Variants in NR1H4 observed in about 807,000 individuals in gnomAD.
NR1H4 encodes the protein nuclear receptor subfamily 1 group H member 4.
A neutral mutation model predicts 58.5 loss-of-function variants in NR1H4; 23 were observed. The observed-to-expected ratio is 0.39, with a 90% CI of 0.28 to 0.56. The LOEUF is 0.56. Among genes scored for constraint, NR1H4 ranks in the 20% least tolerant of loss-of-function variants. The pLI is 0.58. For missense variants in NR1H4, 487 were observed against 576.9 expected, an observed-to-expected ratio of 0.84 and a Z score of 1.60; for synonymous variants, 214 against 198.0, an observed-to-expected ratio of 1.08 and a Z score of -0.68.
chr12:100,498,689 G>C (rs1953768449), intron 3 of NR1H4, among the ~76,000 whole-genome samples: 1 of 151,776 alleles, frequency 6.6e-6, no homozygotes, highest in Non-Finnish European at 1.5e-5. Context: ...TAAATTTCTG[G>C]TTACCTCACC....
chr12:100,558,681 G>A (rs1288584328), intron 9 of NR1H4, among the ~76,000 whole-genome samples: 1 of 152,220 alleles, frequency 6.6e-6, no homozygotes, highest in Non-Finnish European at 1.5e-5. Context: ...TGACAAAGAG[G>A]AGTGAGCTAG....
chr12:100,486,170 G>A (rs930967623), intron 1 of NR1H4, among the ~76,000 whole-genome samples: 2 of 152,044 alleles, frequency 1.3e-5, no homozygotes, highest in East Asian at 1.9e-4. Context: ...GTGAAGCTAC[G>A]GAATGTCAGA....
intron 4 of NR1H4, among the ~76,000 whole-genome samples, chr12:100,529,487 C>G (rs556595329): frequency 6.6e-6 from 1 of 152,264 alleles, no homozygotes; most frequent in South Asian, 2.1e-4. Context: ...AACTCCTTTG[C>G]TTGGCATTCA....
chr12:100,499,664 C>T (rs1262248421), intron 3 of NR1H4, among the ~76,000 whole-genome samples: 1 of 152,130 alleles, frequency 6.6e-6, no homozygotes, highest in Non-Finnish European at 1.5e-5. Flanking sequence ...TAGCTCTCAA[C>T]CCTGCAGGCT....
chr12:100,503,491 C>T (rs370621536), intron 3 of NR1H4: 29 of 1,593,820 alleles, frequency 1.8e-5, no homozygotes, highest in African/African-American at 1.7e-4. Context: ...ATGAAGCCCG[C>T]GAAAGGTAGG....
chr12:100,539,439 C>G (rs1566467017), intron 8 of NR1H4, among the ~76,000 whole-genome samples: 1 of 152,026 alleles, frequency 6.6e-6, no homozygotes, highest in Non-Finnish European at 1.5e-5. Flanking sequence ...AAGACAGGGC[C>G]CCTTTCCTCA....
At chr12:100,478,460 A>C (rs1953314794) in intron 1 of NR1H4, among the ~76,000 whole-genome samples, 1 of 152,206 alleles carries the variant, frequency 6.6e-6, no homozygotes, top group African/African-American at 2.4e-5. Context: ...AAAGTTGAGG[A>C]CAGGAAATGA....
intron 1 of NR1H4, among the ~76,000 whole-genome samples, chr12:100,484,334 A>G (rs1282645875): frequency 6.6e-6 from 1 of 152,156 alleles, no homozygotes; most frequent in Non-Finnish European, 1.5e-5. Flanking sequence ...GGTTTATACT[A>G]AGTCAGAGGA....
intron 3 of NR1H4, among the ~76,000 whole-genome samples, chr12:100,507,271 C>T (rs1187584685): frequency 6.6e-6 from 1 of 152,056 alleles, no homozygotes; most frequent in Non-Finnish European, 1.5e-5. Flanking sequence ...ATTCCATTCA[C>T]TCCAGAAATT....
chr12:100,508,789 T>A (rs1159419410), intron 3 of NR1H4, among the ~76,000 whole-genome samples: 1 of 152,202 alleles, frequency 6.6e-6, no homozygotes, highest in Non-Finnish European at 1.5e-5. Flanking sequence ...CATTGCCAAT[T>A]TGAAATCCCC....
At chr12:100,515,074 C>A (rs1954226810) in intron 4 of NR1H4, among the ~76,000 whole-genome samples, 1 of 151,776 alleles carries the variant, frequency 6.6e-6, no homozygotes, top group Non-Finnish European at 1.5e-5. Context: ...TTGATTCAAC[C>A]AAACCTTTGT....
In NR1H4 at chr12:100,549,196, G is replaced by GTT. The variant is rs1565780067; in HGVS notation, c.1078+8378_1078+8379insTT. 7.2e-5 allele frequency among the ~76,000 whole-genome samples: 11 copies of GTT among 152,202 alleles called. No homozygotes were observed. In the East Asian group the frequency reaches 9.7e-4, roughly 13 times the overall value. The stretch of plus-strand genomic sequence containing the variant: ...TACTAAAAATACAAAAAATTAGCCG[G>GTT]GCATGGTGGCATGTGCCGGTAGTCC... On this transcript the variant is annotated intron_variant, in intron 9 of 10. Coordinates refer to ENST00000392986, the MANE Select transcript of NR1H4 (RefSeq NM_001206979.2).
At chr12:100,509,842 C>T (rs554547369) in intron 3 of NR1H4, among the ~76,000 whole-genome samples, 3 of 152,222 alleles carry the variant, frequency 2.0e-5, no homozygotes, top group African/African-American at 7.2e-5. Context: ...AAAAATATCA[C>T]CTCTCACAGT....
intron 1 of NR1H4, among the ~76,000 whole-genome samples, chr12:100,491,890 C>T (rs537603099): frequency 1.2e-4 from 18 of 152,218 alleles, no homozygotes; most frequent in South Asian, 1.0e-3. Flanking sequence ...ATCCTCCCTC[C>T]GCTACTTCTC....
In NR1H4 at chr12:100,545,664, AAAAAAC is replaced by A. The variant is rs1439316146; in HGVS notation, c.1078+4847_1078+4852del. 7.8e-5 allele frequency among the ~76,000 whole-genome samples: 10 copies of A among 129,008 alleles called. 1 individual carries two copies. The highest frequency in any genetic ancestry group is 4.6e-4 in the African/African-American group (10 of 21,648). The allele number at this position is 129,008 out of a possible 152,430, so 84.6% of individuals were successfully genotyped here. ...CTCAAAAAAAAAAAAAAAAAAAAAA[AAAAAAC>A]CAAACGGGGGGCATATATGCGTAAT... On this transcript the variant is annotated intron_variant, in intron 9 of 10. Transcript: ENST00000392986.
At chr12:100,479,763 C>T (rs552515704) in intron 1 of NR1H4, among the ~76,000 whole-genome samples, 39 of 152,346 alleles carry the variant, frequency 2.6e-4, no homozygotes, top group Non-Finnish European at 4.4e-4. Flanking sequence ...TCCTATAGCC[C>T]CTCCTTGGCT....
At chr12:100,498,271 TA>T (rs754399288) in intron 3 of NR1H4, among the ~76,000 whole-genome samples, 1 of 152,146 alleles carries the variant, frequency 6.6e-6, no homozygotes, top group Non-Finnish European at 1.5e-5. Flanking sequence ...TTCCACTCAT[TA>T]AAAGAAGGAA....
intron 4 of NR1H4, among the ~76,000 whole-genome samples, chr12:100,516,408 C>T (rs1954266881): frequency 1.3e-5 from 2 of 151,438 alleles, no homozygotes; most frequent in Admixed American, 6.6e-5. Context: ...CTTGCTCTGT[C>T]ACCCAGGCTG....
chr12:100,496,275 G>A (rs1375847047), intron 3 of NR1H4, among the ~76,000 whole-genome samples: 1 of 152,132 alleles, frequency 6.6e-6, no homozygotes, highest in African/African-American at 2.4e-5. Flanking sequence ...GATGCCCAAG[G>A]TAGTGATACA....
Sources: allele counts gnomAD v4.1 joint callset (sites outside exome capture counted in the v4.1 genomes callset), GRCh38; gene constraint gnomAD v4.1.1; transcripts MANE v1.5; gene names NCBI Gene and HGNC (gene_info 2026-07-23, HGNC 2026-07-21).